The following SLC1A1 variants were observed in gnomAD, a reference collection of about 807,000 sequenced individuals.
SLC1A1 encodes the protein excitatory amino acid transporter 3.
In SLC1A1, 43 loss-of-function variants were observed where a neutral mutation model predicts 53.3. That is an observed-to-expected ratio of 0.81 (90% CI 0.63 to 1.04). The LOEUF (loss-of-function observed/expected upper bound fraction) is 1.04, where lower values mean the gene tolerates loss of function less well. SLC1A1 is among the 50% of genes least tolerant of loss of function. SLC1A1 has a pLI of 0.00. For missense variants in SLC1A1, 748 were observed against 664.9 expected, an observed-to-expected ratio of 1.12 and a Z score of -1.37; for synonymous variants, 307 against 243.2, an observed-to-expected ratio of 1.26 and a Z score of -2.44.
chr9:4,530,076 G>T (rs1816409727), intron 1 of SLC1A1, among the ~76,000 whole-genome samples: 1 of 152,174 alleles, frequency 6.6e-6, no homozygotes, highest in South Asian at 2.1e-4. Flanking sequence ...ATAATGGAAA[G>T]TGAATGACTT....
At chr9:4,522,338 A>C (rs1326691377) in intron 1 of SLC1A1, among the ~76,000 whole-genome samples, 2 of 152,146 alleles carry the variant, frequency 1.3e-5, no homozygotes, top group Non-Finnish European at 2.9e-5. Flanking sequence ...GGTGTGAGCC[A>C]CCACGCCTGG....
intron 1 of SLC1A1, among the ~76,000 whole-genome samples, chr9:4,514,717 T>A (rs1204303956): frequency 6.6e-6 from 1 of 152,114 alleles, no homozygotes; most frequent in Non-Finnish European, 1.5e-5. Context: ...CTGAAGGGGC[T>A]TTAAGCTGGA....
At chr9:4,548,484 G>T (rs567027108) in intron 2 of SLC1A1, among the ~76,000 whole-genome samples, 16 of 152,130 alleles carry the variant, frequency 1.1e-4, no homozygotes, top group Non-Finnish European at 2.1e-4. Context: ...CTGCATAAAG[G>T]AAACTCTCTT....
At chr9:4,544,468 C>A in intron 1 of SLC1A1, 99 bp from the exon 2 acceptor site, 2 of 1,005,890 alleles carry the variant, frequency 2.0e-6, no homozygotes, top group Non-Finnish European at 3.2e-6. Context: ...ATTTTTCTTG[C>A]CATTAAAATG....
chr9:4,576,233 A>T, intron 9 of SLC1A1, 110 bp downstream of exon 9: 2 of 1,044,594 alleles, frequency 1.9e-6, no homozygotes, highest in Non-Finnish European at 3.0e-6. Context: ...TGTCTTTGAG[A>T]AATGACCTCC....
At position 4,490,882 on chromosome 9, in the gene SLC1A1, G is replaced by T. The variant is rs1324147451; in HGVS notation, c.91+112G>T. The T allele has an allele frequency of 2.2e-5, 18 of 824,790 alleles. No individual in the cohort carries two copies. In the Admixed American group the frequency reaches 3.7e-4, roughly 17 times the overall value. The allele number at this position is 824,790 out of a possible 1,614,324, so 51.1% of individuals were successfully genotyped here. ...TGGCGCACTCCATGCAGGGTCCCTC[G>T]ATGCCCCCTCGGCCTTAGCCTCGGG... On this transcript the variant is annotated intron_variant, in intron 1 of 11. Coordinates refer to ENST00000262352, the MANE Select transcript of SLC1A1 (RefSeq NM_004170.6).
At chr9:4,497,529 G>A (rs1358565509) in intron 1 of SLC1A1, among the ~76,000 whole-genome samples, 1 of 152,142 alleles carries the variant, frequency 6.6e-6, no homozygotes, top group Non-Finnish European at 1.5e-5. Flanking sequence ...CAGAGAGTTA[G>A]TAAAATGTTG....
In SLC1A1 at chr9:4,573,879, T is replaced by A. The variant is rs62543871; in HGVS notation, c.768-28T>A. 2.4e-3 allele frequency: 3,441 copies of A among 1,456,448 alleles called. 6 individuals carry two copies. Among genetic ancestry groups the A allele is most frequent in the Non-Finnish European group, 3.1e-3 (3,171 of 1,036,096 alleles). 90.2% of individuals were successfully genotyped at this position (1,456,448 alleles called of 1,614,324 possible). ...CATGAGAAAGCACTTGATGACGGAA[T>A]CACGCCTCTGTTGTGCTTCCTTTCC... On this transcript the variant is annotated intron_variant, in intron 7 of 11. Coordinates refer to ENST00000262352, the MANE Select transcript of SLC1A1 (RefSeq NM_004170.6).
At position 4,572,263 on chromosome 9, in the gene SLC1A1, CTT is replaced by C; in HGVS notation, c.643_644del (p.Leu215AspfsTer30). ...ATTCAGATGGCATAAACGTCCTGGG[CTT>C]GATTGTCTTTTGCCTTGTCTTTGGA... ...MYSDGINVLG[L>X]IVFCLVFGLV... On this transcript the variant is annotated frameshift_variant, in exon 7 of 12. Coordinates refer to ENST00000262352, the MANE Select transcript of SLC1A1 (RefSeq NM_004170.6). LOFTEE classifies it high-confidence loss of function. 1 of 1,614,034 alleles carries C rather than the reference CTT, an allele frequency of 6.2e-7. No individual in the cohort carries two copies. The highest frequency in any genetic ancestry group is 8.5e-7 in the Non-Finnish European group (1 of 1,179,938).
At chr9:4,517,724 T>A (rs999297410) in intron 1 of SLC1A1, among the ~76,000 whole-genome samples, 4 of 152,160 alleles carry the variant, frequency 2.6e-5, no homozygotes, top group Non-Finnish European at 4.4e-5. Flanking sequence ...CACAAAGACC[T>A]AGATTTTTAG....
chr9:4,519,610 G>A (rs1815994995), intron 1 of SLC1A1, among the ~76,000 whole-genome samples: 1 of 152,162 alleles, frequency 6.6e-6, no homozygotes, highest in African/African-American at 2.4e-5. Context: ...CAGGCCAAGG[G>A]CAGGGCTAAG....
At chr9:4,576,211 G>A (rs1333686924) in intron 9 of SLC1A1, 88 bp downstream of exon 9, 13 of 1,317,312 alleles carry the variant, frequency 9.9e-6, no homozygotes, top group East Asian at 4.6e-5. Flanking sequence ...TCCAGCTTGC[G>A]GTTTTTGTAG....
intron 1 of SLC1A1, among the ~76,000 whole-genome samples, chr9:4,525,087 A>G (rs1447827959): frequency 6.6e-6 from 1 of 152,186 alleles, no homozygotes; most frequent in Non-Finnish European, 1.5e-5. Context: ...ACATGGGGAA[A>G]AGTGATATGA....
intron 1 of SLC1A1, among the ~76,000 whole-genome samples, chr9:4,497,481 G>A (rs1188725240): frequency 1.3e-5 from 2 of 152,150 alleles, no homozygotes; most frequent in Non-Finnish European, 2.9e-5. Flanking sequence ...GCACAGTAGG[G>A]TGAATACATT....
At chr9:4,570,754 A>T (rs1819953866) in intron 6 of SLC1A1, among the ~76,000 whole-genome samples, 1 of 152,078 alleles carries the variant, frequency 6.6e-6, no homozygotes, top group Admixed American at 6.6e-5. Context: ...GATAAAGTGA[A>T]GAAATTAAGC....
chr9:4,584,818 G>A (rs1016490449), intron 11 of SLC1A1, among the ~76,000 whole-genome samples: 2 of 152,072 alleles, frequency 1.3e-5, no homozygotes, highest in Non-Finnish European at 2.9e-5. Context: ...CATAAGTAGA[G>A]TGACCTAGAT....
intron 1 of SLC1A1, among the ~76,000 whole-genome samples, chr9:4,526,900 A>C (rs936039392): frequency 6.6e-6 from 1 of 152,098 alleles, no homozygotes; most frequent in Non-Finnish European, 1.5e-5. Context: ...ATGGGATTTC[A>C]CATTCATAAT....
intron 1 of SLC1A1, among the ~76,000 whole-genome samples, chr9:4,527,870 T>C (rs556439789): frequency 8.0e-4 from 121 of 152,200 alleles, no homozygotes; most frequent in Admixed American, 2.2e-3. Flanking sequence ...ACTTGAACTT[T>C]AGAAAATGCA....
At chr9:4,582,930 A>C in intron 10 of SLC1A1, 108 bp from the exon 11 acceptor site, 1 of 1,394,554 alleles carries the variant, frequency 7.2e-7, no homozygotes, top group Non-Finnish European at 1.0e-6. Context: ...CAATTTAGGG[A>C]CACAGCAGTA....
Sources: gnomAD v4.1 joint callset for allele counts (sites outside exome capture counted in the v4.1 genomes callset) on GRCh38, gnomAD v4.1.1 for gene constraint, MANE v1.5 for transcripts, NCBI Gene and HGNC (gene_info 2026-07-23, HGNC 2026-07-21) for gene names.